Variants in TBC1D1 observed in about 807,000 individuals in gnomAD.
TBC1D1 encodes TBC1 (tre-2/USP6, BUB2, cdc16) domain family, member 1.
A neutral mutation model predicts 125.6 loss-of-function variants in TBC1D1; 89 were observed. The observed-to-expected ratio is 0.71, with a 90% CI of 0.60 to 0.85. The LOEUF (loss-of-function observed/expected upper bound fraction) is 0.85, where lower values mean the gene tolerates loss of function less well. Among genes scored for constraint, TBC1D1 ranks in the 40% least tolerant of loss-of-function variants. The probability of loss-of-function intolerance (pLI) is 0.00; values close to 1 mark genes in which losing one functional copy is unlikely to be tolerated. For missense variants in TBC1D1, 1,377 were observed against 1,469.2 expected (o/e 0.94, Z 1.03); for synonymous variants, 565 against 564.1 (o/e 1.00, Z -0.02).
intron 2 of TBC1D1, among the ~76,000 whole-genome samples, chr4:37,914,739 T>C (rs1381322200): frequency 6.6e-6 from 1 of 152,222 alleles, no homozygotes; most frequent in Non-Finnish European, 1.5e-5. Flanking sequence ...TTCCCGTTGC[T>C]CTCTGGACTC....
intron 2 of TBC1D1, chr4:37,960,287 T>C: frequency 1.4e-6 from 1 of 729,698 alleles, no homozygotes; most frequent in Non-Finnish European, 2.2e-6. Flanking sequence ...GTGCTCTTTA[T>C]ATGAGTTCAT....
rs372955287 is a variant in TBC1D1 at position 38,115,799 on chromosome 4, C to G, written c.2647C>G (p.Leu883Val). 3.1e-6 allele frequency: 5 copies of G among 1,614,098 alleles called. No individual in the cohort carries two copies. The highest frequency in any genetic ancestry group is 4.2e-6 in the Non-Finnish European group (5 of 1,180,048). ...CAACATTTTGAAGGCCTACTCACTT[C>G]TAGACCAGGAAGTGGGATATTGCCA... is the stretch of plus-strand genomic sequence containing the variant. The change falls in exon 16 of 20, where the codon CTA (leucine) becomes GTA (valine). Residue 883 changes from leucine to valine, a missense_variant. This residue lies in a region of TBC1D1 where 543 missense variants were observed against 613.5 expected (regional missense o/e 0.89). Coordinates refer to ENST00000261439, the MANE Select transcript of TBC1D1 (RefSeq NM_015173.4).
chr4:38,064,932 C>CTT (rs548082372), intron 12 of TBC1D1, among the ~76,000 whole-genome samples: 37 of 140,020 alleles, frequency 2.6e-4, no homozygotes, highest in African/African-American at 8.7e-4. Flanking sequence ...GCCTACATTT[C>CTT]TTTTTTTTTT....
chr4:37,968,721 C>A (rs957489719), intron 2 of TBC1D1, among the ~76,000 whole-genome samples: 1 of 152,152 alleles, frequency 6.6e-6, no homozygotes, highest in Non-Finnish European at 1.5e-5. Flanking sequence ...CATCTTGAAT[C>A]CGGCATGATT....
intron 13 of TBC1D1, among the ~76,000 whole-genome samples, chr4:38,091,243 C>G (rs961452357): frequency 6.6e-6 from 1 of 151,990 alleles, no homozygotes; most frequent in Admixed American, 6.6e-5. Flanking sequence ...TGAAAGTAAC[C>G]CCACAGTTGG....
intron 12 of TBC1D1, among the ~76,000 whole-genome samples, chr4:38,071,749 A>G (rs556472219): frequency 1.3e-5 from 2 of 152,278 alleles, no homozygotes; most frequent in South Asian, 2.1e-4. Context: ...GTTTGCTTAA[A>G]TCTCTCATAA....
chr4:38,060,684 C>T (rs1290734751), intron 12 of TBC1D1: 2 of 1,278,312 alleles, frequency 1.6e-6, no homozygotes, highest in South Asian at 2.5e-5. Context: ...GCAGTCTCAT[C>T]TGTCAGATGA....
At position 37,902,302 on chromosome 4, in the gene TBC1D1, A is replaced by G. The variant is rs145947299; in HGVS notation, c.207A>G (p.Ser69=). Residue 69 remains serine, a synonymous_variant, in exon 2 of 20, where the codon TCA becomes TCG. Transcript: ENST00000261439. ...CCAAGCAAGTCCGGCTTTGCGTTTC[A>G]CCCTCTGGACTGAGATGTGAACCTG... 1,204 of 1,613,694 alleles carry G rather than the reference A, an allele frequency of 7.5e-4. 12 individuals are homozygous for G. The African/African-American group carries it at 0.014, about 19-fold the overall frequency.
Position 38,115,952 on chromosome 4 carries a change from C to T in TBC1D1, c.2800C>T (p.Gln934Ter). Reference sequence around the variant, plus strand: ...GTATCGGCCAGACATGATTATTTTACAGGTATAGAGTGTTCCTTATGTCTT... The same window carrying T: ...GTATCGGCCAGACATGATTATTTTATAGGTATAGAGTGTTCCTTATGTCTT... Residue 934 changes from glutamine to a stop codon, truncating the protein, a stop_gained and splice_region_variant, in exon 16 of 20, where the codon CAG (glutamine) becomes TAG (stop). Coordinates refer to ENST00000261439, the MANE Select transcript of TBC1D1 (RefSeq NM_015173.4). LOFTEE classifies it high-confidence loss of function. 1 of 1,614,090 alleles carries T rather than the reference C, an allele frequency of 6.2e-7. No homozygotes were observed. Among genetic ancestry groups the T allele is most frequent in the South Asian group, 1.1e-5 (1 of 91,082 alleles).
At chr4:38,128,461 T>C (rs1175370365) in intron 18 of TBC1D1, among the ~76,000 whole-genome samples, 1 of 152,178 alleles carries the variant, frequency 6.6e-6, no homozygotes, top group East Asian at 1.9e-4. Context: ...AGAGTAGATG[T>C]AATGGATGCT....
intron 2 of TBC1D1, among the ~76,000 whole-genome samples, chr4:37,958,811 T>G (rs2152328950): frequency 6.6e-6 from 1 of 152,300 alleles, no homozygotes; most frequent in South Asian, 2.1e-4. Flanking sequence ...GCCTGCAAAC[T>G]TTATTGTAAA....
At chr4:38,030,019 G>T (rs1201720980) in intron 7 of TBC1D1, among the ~76,000 whole-genome samples, 1 of 152,084 alleles carries the variant, frequency 6.6e-6, no homozygotes, top group Non-Finnish European at 1.5e-5. Flanking sequence ...TCTAATGCTG[G>T]CCCACTTACT....
At chr4:38,110,880 T>C (rs1324171643) in intron 15 of TBC1D1, 1 of 923,722 alleles carries the variant, frequency 1.1e-6, no homozygotes, top group African/African-American at 1.8e-5. Context: ...AGCATGCTTC[T>C]CCTATGGGGT....
At position 38,035,613 on chromosome 4, in the gene TBC1D1, G is replaced by A. The variant is rs1254104554; in HGVS notation, c.1328G>A (p.Arg443Gln). The change falls in exon 8 of 20, where the codon CGA becomes CAA. Residue 443 changes from arginine to glutamine, a missense_variant. Physicochemically the swap from Arg to Gln is conservative, Grantham distance 43 (BLOSUM62 1). Around this residue, in one of 3 missense-constraint regions of TBC1D1, gnomAD observed 822 missense variants for 824.6 expected, o/e 1.00. Transcript: ENST00000261439. The stretch of plus-strand genomic sequence containing the variant: ...AAATTGAGACCGAGAAATGAGCAGC[G>A]AGAGAATGAATTGATTATTTCTTTT... The A allele has an allele frequency of 6.8e-6, 11 of 1,613,640 alleles. No homozygotes were observed. The highest frequency in any genetic ancestry group is 3.3e-5 in the Admixed American group (2 of 59,962).
chr4:37,913,878 T>C (rs944807015), intron 2 of TBC1D1, among the ~76,000 whole-genome samples: 1 of 152,032 alleles, frequency 6.6e-6, no homozygotes, highest in Non-Finnish European at 1.5e-5. Flanking sequence ...ACCTAGAGCT[T>C]GTGAGATATA....
intron 2 of TBC1D1, among the ~76,000 whole-genome samples, chr4:37,915,916 C>T (rs1010813524): frequency 1.2e-4 from 18 of 152,118 alleles, no homozygotes; most frequent in Non-Finnish European, 2.6e-4. Flanking sequence ...CTTCTTTGGT[C>T]TGTATGAATG....
At chr4:38,068,138 A>G (rs1194729478) in intron 12 of TBC1D1, among the ~76,000 whole-genome samples, 1 of 152,122 alleles carries the variant, frequency 6.6e-6, no homozygotes, top group Admixed American at 6.6e-5. Flanking sequence ...CAAGCAGAAC[A>G]AAACAGGAGA....
chr4:38,083,934 C>CTTT (rs61161366), intron 12 of TBC1D1, among the ~76,000 whole-genome samples: 18,395 of 133,152 alleles, frequency 0.14, 1,598 homozygotes, highest in East Asian at 0.39. Context: ...TGAATGTTGT[C>CTTT]TTTTTTTTTT....
Position 38,014,986 on chromosome 4 carries a change from C to G in TBC1D1, c.882+13C>G, listed in dbSNP as rs775056923. 73 of 1,519,042 alleles carry G rather than the reference C, an allele frequency of 4.8e-5. No homozygotes were observed. Among genetic ancestry groups the G allele is most frequent in the Non-Finnish European group, 6.2e-5 (70 of 1,130,806 alleles). 94.1% of individuals were successfully genotyped at this position (1,519,042 alleles called of 1,614,324 possible). A position where few individuals can be genotyped will look rare whatever the true frequency, so the allele number is the denominator to read the frequency against. ...TATGCTCTTCACGGTAAAATATCAC[C>G]CAGCTCGTGCACAGCCCCAGTCTGC... is the stretch of plus-strand genomic sequence containing the variant. On this transcript the variant is annotated intron_variant, in intron 3 of 19. Transcript: ENST00000261439. The surrounding 1 kb of genome is among the most constrained non-coding windows in gnomAD (Gnocchi z 5.1).
Sources: allele counts gnomAD v4.1 joint callset (sites outside exome capture counted in the v4.1 genomes callset), GRCh38; gene constraint gnomAD v4.1.1; regional missense constraint gnomAD v4.1.1; non-coding constraint Gnocchi (gnomAD v3.1); transcripts MANE v1.5; gene names NCBI Gene and HGNC (gene_info 2026-07-23, HGNC 2026-07-21).